Variants in TPTE observed in about 807,000 individuals in gnomAD.
TPTE encodes the protein putative tyrosine-protein phosphatase TPTE.
In TPTE, 59 loss-of-function variants were observed where a neutral mutation model predicts 84.1. The observed-to-expected ratio is 0.70, with a 90% CI of 0.57 to 0.87. TPTE has a LOEUF of 0.87. Among genes scored for constraint, TPTE ranks in the 40% least tolerant of loss-of-function variants. The pLI is 0.00. For synonymous variants in TPTE, 130 were observed against 223.5 expected, an observed-to-expected ratio of 0.58 and a Z score of 3.73; for missense variants, 382 against 659.6, an observed-to-expected ratio of 0.58 and a Z score of 4.61.
rs1249009608 is a variant in TPTE, at chr21:10,538,253, G to A, written c.-43-428G>A. ...CAAATACCATCATATTGGATTGTGT[G>A]CTTGACTCAGACCTGCAGTTACTTT... On this transcript the variant is annotated intron_variant, in intron 3 of 23. Coordinates refer to ENST00000618007, the MANE Select transcript of TPTE (RefSeq NM_199261.4). Among the ~76,000 whole-genome samples, 10 of 152,310 alleles carry A rather than the reference G, an allele frequency of 6.6e-5. No individual in the cohort carries two copies. In the East Asian group the frequency reaches 1.9e-3, roughly 29 times the overall value.
rs538227870 is a variant in TPTE at position 10,538,737 on chromosome 21, G to A, written c.11+3G>A. On this transcript the variant is annotated splice_donor_region_variant and intron_variant, in intron 4 of 23. Transcript: ENST00000618007. ...CCAGAGGCACGTATGAATGAAAGGT[G>A]AGTTATGCGTACGTGTGTCTTTATT... The A allele has an allele frequency of 6.2e-7, 1 of 1,614,068 alleles. No homozygotes were observed. Among genetic ancestry groups the A allele is most frequent in the East Asian group, 2.2e-5 (1 of 44,894 alleles).
intron 3 of TPTE, among the ~76,000 whole-genome samples, chr21:10,537,402 G>C (rs1364091620): frequency 6.6e-6 from 1 of 152,310 alleles, no homozygotes; most frequent in Admixed American, 6.5e-5. Context: ...ATAGAGGCTG[G>C]CCGTGGTGGC....
At chr21:10,577,178 CTTAAAG>C (rs2075172848) in intron 14 of TPTE, among the ~76,000 whole-genome samples, 1 of 152,302 alleles carries the variant, frequency 6.6e-6, no homozygotes, top group South Asian at 2.1e-4. Context: ...GAACAAATTA[CTTAAAG>C]TTAGTTAACC....
chr21:10,594,552 C>T (rs1306364800), intron 19 of TPTE, among the ~76,000 whole-genome samples: 2 of 152,308 alleles, frequency 1.3e-5, no homozygotes, highest in African/African-American at 2.4e-5. Context: ...GGAGCACAAG[C>T]AGCTTGAGGG....
chr21:10,562,820 T>C (rs144087840), intron 10 of TPTE, among the ~76,000 whole-genome samples: 1,347 of 151,860 alleles, frequency 8.9e-3, no homozygotes, highest in African/African-American at 0.03. Flanking sequence ...AAAGAGGAGG[T>C]GGGGAGTGTA....
chr21:10,558,096 T>A (rs2074718484), intron 8 of TPTE, among the ~76,000 whole-genome samples: 3 of 152,430 alleles, frequency 2.0e-5, no homozygotes, highest in East Asian at 1.9e-4. Context: ...ATTCTTTTTT[T>A]ATGGCTGTAT....
intron 7 of TPTE, among the ~76,000 whole-genome samples, chr21:10,548,921 C>T (rs1255241004): frequency 2.0e-5 from 3 of 152,312 alleles, no homozygotes; most frequent in African/African-American, 7.2e-5. Context: ...ACTGCATCCC[C>T]ATGCTTCTGG....
intron 14 of TPTE, among the ~76,000 whole-genome samples, chr21:10,574,983 G>C: frequency 6.6e-6 from 1 of 152,312 alleles, no homozygotes. Flanking sequence ...GCTGAATCCA[G>C]GGAGCCAGGC....
chr21:10,562,966 A>C (rs983333036), intron 10 of TPTE, among the ~76,000 whole-genome samples: 3 of 152,310 alleles, frequency 2.0e-5, no homozygotes, highest in Admixed American at 6.5e-5. Flanking sequence ...TAATAATCAC[A>C]GTCCCAAAGA....
chr21:10,558,454 G>A (rs919665053), intron 8 of TPTE, among the ~76,000 whole-genome samples: 3 of 152,308 alleles, frequency 2.0e-5, no homozygotes, highest in Non-Finnish European at 4.4e-5. Flanking sequence ...TCTGACTGGT[G>A]TGAAATGGTA....
At chr21:10,541,050 T>C in intron 4 of TPTE, 62 bp from the exon 5 acceptor site, 1 of 1,606,512 alleles carries the variant, frequency 6.2e-7, no homozygotes, top group East Asian at 2.2e-5. Flanking sequence ...TAACTGTAGC[T>C]ATTTGTTGCA....
At chr21:10,539,472 G>A (rs567085965) in intron 4 of TPTE, among the ~76,000 whole-genome samples, 1 of 152,300 alleles carries the variant, frequency 6.6e-6, no homozygotes, top group Admixed American at 6.5e-5. Context: ...CCATAGATGG[G>A]ATTAGGAGGA....
At chr21:10,568,591 A>G (rs2074973941) in intron 11 of TPTE, among the ~76,000 whole-genome samples, 1 of 152,306 alleles carries the variant, frequency 6.6e-6, no homozygotes, top group South Asian at 2.1e-4. Context: ...GCTTCCCTGG[A>G]CTACAGCTCA....
At chr21:10,559,872 T>TAAAAAAAA (rs61583687) in intron 9 of TPTE, among the ~76,000 whole-genome samples, 2 of 117,100 alleles carry the variant, frequency 1.7e-5, no homozygotes, top group African/African-American at 3.0e-5. Flanking sequence ...AGACTCCATG[T>TAAAAAAAA]AAAAAAAAAA....
intron 7 of TPTE, among the ~76,000 whole-genome samples, chr21:10,548,070 A>C: frequency 6.6e-6 from 1 of 152,420 alleles, no homozygotes; most frequent in Non-Finnish European, 1.5e-5. Flanking sequence ...GCTTTTAATA[A>C]GGGCCTGAGA....
At chr21:10,579,138 G>C (rs1325779720) in intron 17 of TPTE, among the ~76,000 whole-genome samples, 4 of 152,306 alleles carry the variant, frequency 2.6e-5, no homozygotes, top group Non-Finnish European at 5.9e-5. Flanking sequence ...CAATTTTCAA[G>C]TATACATTAT....
intron 7 of TPTE, among the ~76,000 whole-genome samples, chr21:10,545,175 T>C (rs1182852908): frequency 6.6e-6 from 1 of 152,302 alleles, no homozygotes; most frequent in Non-Finnish European, 1.5e-5. Context: ...GGTAGAGTCA[T>C]CAATGATGGG....
intron 7 of TPTE, among the ~76,000 whole-genome samples, chr21:10,545,785 C>G (rs1462341816): frequency 6.6e-6 from 1 of 151,636 alleles, no homozygotes; most frequent in Non-Finnish European, 1.5e-5. Flanking sequence ...ATATACATGT[C>G]TACATATGTG....
At chr21:10,585,245 A>C (rs1275309806) in intron 17 of TPTE, among the ~76,000 whole-genome samples, 1 of 130,528 alleles carries the variant, frequency 7.7e-6, no homozygotes, top group African/African-American at 3.3e-5. Flanking sequence ...ATGAAACAAA[A>C]AAAAAAAAAA....
Sources: allele counts gnomAD v4.1 joint callset (sites outside exome capture counted in the v4.1 genomes callset), GRCh38; gene constraint gnomAD v4.1.1; transcripts MANE v1.5; gene names NCBI Gene and HGNC (gene_info 2026-07-23, HGNC 2026-07-21).